The following GRIN3A variants were observed in gnomAD, a reference collection of about 807,000 sequenced individuals.
The protein encoded by GRIN3A is glutamate ionotropic receptor NMDA type subunit 3A, also known as glutamate receptor ionotropic, NMDA 3A.
GRIN3A carries 47 observed loss-of-function variants against 92.4 expected under a neutral mutation model. That is an observed-to-expected ratio of 0.51 (90% CI 0.40 to 0.65). The LOEUF is 0.65. Among genes scored for constraint, GRIN3A ranks in the 30% least tolerant of loss-of-function variants. The probability of loss-of-function intolerance (pLI) is 0.00; values close to 1 mark genes in which losing one functional copy is unlikely to be tolerated. For synonymous variants in GRIN3A, 527 were observed against 540.6 expected (o/e 0.97, Z 0.35); for missense variants, 1,324 against 1,393.1 (o/e 0.95, Z 0.79).
At position 101,594,589 on chromosome 9, in the gene GRIN3A, C is replaced by T. The variant is rs748611281; in HGVS notation, c.2767-15229G>A. 6 of 1,614,216 alleles carry T rather than the reference C, an allele frequency of 3.7e-6. No homozygotes were observed. In the South Asian group the frequency reaches 6.6e-5, roughly 18 times the overall value. ...CCATCATCTTCAGCACCTGGAAGAG[C>T]TCCCCGTTGGAAATGTAGCCATCTT... On this transcript the variant is annotated intron_variant, in intron 6 of 8. Coordinates refer to ENST00000361820, the MANE Select transcript of GRIN3A (RefSeq NM_133445.3).
At chr9:101,719,536 G>C (rs546021004) in intron 1 of GRIN3A, among the ~76,000 whole-genome samples, 1 of 152,136 alleles carries the variant, frequency 6.6e-6, no homozygotes, top group African/African-American at 2.4e-5. Flanking sequence ...AGATGGTATG[G>C]CCATGGTTAA....
Position 101,654,824 on chromosome 9 carries a change from G to A in GRIN3A, c.2352+15236C>T, listed in dbSNP as rs576896653. Among the ~76,000 whole-genome samples the A allele has an allele frequency of 2.6e-5, 4 of 151,896 alleles. No homozygotes were observed. The East Asian group carries it at 7.8e-4, about 30-fold the overall frequency. ...CTTCATCGTAACACTCATCTCATGG[G>A]TATGGTCATTTAAGGTCTAATTATC... On this transcript the variant is annotated intron_variant, in intron 3 of 8. Coordinates refer to ENST00000361820, the MANE Select transcript of GRIN3A (RefSeq NM_133445.3).
At chr9:101,627,209 T>C (rs1365032756) in intron 4 of GRIN3A, among the ~76,000 whole-genome samples, 2 of 152,216 alleles carry the variant, frequency 1.3e-5, no homozygotes, top group Admixed American at 6.5e-5. Flanking sequence ...TGTAATGTGT[T>C]GATGTTCTTG....
rs144662717 is a variant in GRIN3A, at chr9:101,726,201, T to C, written c.699+11080A>G. 3.1e-3 allele frequency among the ~76,000 whole-genome samples: 476 copies of C among 152,254 alleles called. 1 individual carries two copies. Among genetic ancestry groups the C allele is most frequent in the African/African-American group, 0.011 (451 of 41,544 alleles). On this transcript the variant is annotated intron_variant, in intron 1 of 8. Transcript: ENST00000361820. ...TTAAACCAATCAGATATCTGGATAA[T>C]TTGAACTAAGAGATATAAGAAATGT...
chr9:101,691,447 G>A (rs1052695524), intron 1 of GRIN3A, among the ~76,000 whole-genome samples: 5 of 152,126 alleles, frequency 3.3e-5, no homozygotes, highest in African/African-American at 1.2e-4. Flanking sequence ...TGGGAGAGAC[G>A]AGTATTTGTA....
At chr9:101,579,460 G>T (rs1043971911) in intron 6 of GRIN3A, 100 bp from the exon 7 acceptor site, 2 of 1,122,744 alleles carry the variant, frequency 1.8e-6, no homozygotes, top group South Asian at 1.3e-5. Context: ...ATTTTTTCTG[G>T]ACTCAAGGAC....
At chr9:101,710,850 T>A (rs1481083597) in intron 1 of GRIN3A, among the ~76,000 whole-genome samples, 1 of 152,218 alleles carries the variant, frequency 6.6e-6, no homozygotes, top group African/African-American at 2.4e-5. Flanking sequence ...TGATTTTGAC[T>A]GTTTAGTTCA....
At chr9:101,676,128 G>T (rs891483419) in intron 2 of GRIN3A, among the ~76,000 whole-genome samples, 2 of 142,430 alleles carry the variant, frequency 1.4e-5, no homozygotes, top group African/African-American at 5.1e-5. Context: ...CTTCATTTCT[G>T]TCTACATATT....
At chr9:101,658,157 T>C (rs1423971914) in intron 3 of GRIN3A, among the ~76,000 whole-genome samples, 1 of 152,012 alleles carries the variant, frequency 6.6e-6, no homozygotes, top group Non-Finnish European at 1.5e-5. Flanking sequence ...TTATTAGCTA[T>C]ATGGCTTTGG....
At chr9:101,627,934 A>G (rs1395376854) in intron 4 of GRIN3A, among the ~76,000 whole-genome samples, 1 of 152,106 alleles carries the variant, frequency 6.6e-6, no homozygotes, top group Non-Finnish European at 1.5e-5. Flanking sequence ...GTGTTTGACT[A>G]TTTCAGCACC....
chr9:101,628,507 C>A (rs10819955), intron 3 of GRIN3A, 106 bp from the exon 4 acceptor site: 19 of 1,138,370 alleles, frequency 1.7e-5, no homozygotes, highest in Non-Finnish European at 2.4e-5. Context: ...CGGAACTTTT[C>A]TAACCCCCAC....
Position 101,573,164 on chromosome 9 carries a change from G to T in GRIN3A, c.*10C>A. The T allele has an allele frequency of 1.2e-6, 2 of 1,606,192 alleles. No homozygotes were observed. On this transcript the variant is annotated 3_prime_UTR_variant, in exon 9 of 9. Transcript: ENST00000361820. ...GGTCAGGAACTGAGAAAGGGAAGCA[G>T]TGTGGTCACCTAGGACTCACAAGTC...
intron 3 of GRIN3A, among the ~76,000 whole-genome samples, chr9:101,638,158 G>A (rs770331118): frequency 3.3e-5 from 5 of 152,102 alleles, no homozygotes; most frequent in Non-Finnish European, 5.9e-5. Flanking sequence ...ATGTACCTCG[G>A]TATTTTTCTG....
At chr9:101,639,174 C>A (rs1260017796) in intron 3 of GRIN3A, among the ~76,000 whole-genome samples, 19 of 152,142 alleles carry the variant, frequency 1.2e-4, no homozygotes, top group Admixed American at 1.2e-3. Flanking sequence ...TAGAACCCAA[C>A]TACCAGGTAC....
chr9:101,659,957 A>G (rs774855302), intron 3 of GRIN3A, among the ~76,000 whole-genome samples: 40 of 151,904 alleles, frequency 2.6e-4, no homozygotes, highest in Non-Finnish European at 5.3e-4. Context: ...ATCAATCTGA[A>G]CTAGCAAAGC....
intron 1 of GRIN3A, among the ~76,000 whole-genome samples, chr9:101,711,308 G>A (rs966397103): frequency 6.6e-6 from 1 of 152,258 alleles, no homozygotes; most frequent in South Asian, 2.1e-4. Flanking sequence ...CATACAGCCC[G>A]GATTCACTGA....
At chr9:101,717,339 G>A (rs1442886811) in intron 1 of GRIN3A, among the ~76,000 whole-genome samples, 6 of 152,164 alleles carry the variant, frequency 3.9e-5, no homozygotes, top group Non-Finnish European at 7.4e-5. Flanking sequence ...CTCAGATCGT[G>A]TGTGAAGTTG....
At position 101,613,472 on chromosome 9, in the gene GRIN3A, T is replaced by G; in HGVS notation, c.2670A>C (p.Leu890=). The G allele has an allele frequency of 1.2e-6, 2 of 1,614,156 alleles. No homozygotes were observed. The highest frequency in any genetic ancestry group is 1.7e-6 in the Non-Finnish European group (2 of 1,179,992). ...NSPLTANISE[L]ISQYKSHGFM... ...ACCCATGTGACTTGTATTGACTGAT[T>G]AGCTCGGATATGTTGGCGGTCAATG... is the stretch of plus-strand genomic sequence containing the variant. Residue 890 remains leucine, a synonymous_variant, in exon 6 of 9, where the codon CTA becomes CTC. Coordinates refer to ENST00000361820, the MANE Select transcript of GRIN3A (RefSeq NM_133445.3).
chr9:101,595,648 T>C lies in GRIN3A; in HGVS notation c.2767-16288A>G, dbSNP rs556333371. Among the ~76,000 whole-genome samples, 8 of 152,302 alleles carry C rather than the reference T, an allele frequency of 5.3e-5. No homozygotes were observed. The East Asian group carries it at 1.5e-3, about 29-fold the overall frequency. On this transcript the variant is annotated intron_variant, in intron 6 of 8. Coordinates refer to ENST00000361820, the MANE Select transcript of GRIN3A (RefSeq NM_133445.3). ...AGACCAGGCAGATACCGCGCAGAATTTCTTACATGGATCACCTACAGGCAC... is the reference window on the plus strand; with the variant it reads ...AGACCAGGCAGATACCGCGCAGAATCTCTTACATGGATCACCTACAGGCAC...
Sources: allele counts gnomAD v4.1 joint callset (sites outside exome capture counted in the v4.1 genomes callset), GRCh38; gene constraint gnomAD v4.1.1; transcripts MANE v1.5; gene names NCBI Gene and HGNC (gene_info 2026-07-23, HGNC 2026-07-21).